Variants in NUP85 observed in about 807,000 individuals in gnomAD.
NUP85 encodes nucleoporin 85, also known as nuclear pore complex protein Nup85.
Under a neutral mutation model 92.8 loss-of-function variants are expected in NUP85, and 23 were observed. The observed-to-expected ratio is 0.25, with a 90% confidence interval of 0.18 to 0.35. The LOEUF is 0.35. NUP85 is among the 10% of genes least tolerant of loss of function. NUP85 has a pLI of 1.00. For synonymous variants in NUP85, 314 were observed against 306.9 expected (o/e 1.02, Z -0.24); for missense variants, 759 against 822.8 (o/e 0.92, Z 0.95).
At chr17:75,221,717 C>T (rs1022244677) in intron 7 of NUP85, among the ~76,000 whole-genome samples, 3 of 152,102 alleles carry the variant, frequency 2.0e-5, no homozygotes, top group African/African-American at 7.2e-5. Context: ...TACTTCTAAG[C>T]CATATGGGGT....
intron 7 of NUP85, among the ~76,000 whole-genome samples, chr17:75,221,831 G>T (rs1362214836): frequency 6.6e-6 from 1 of 152,172 alleles, no homozygotes; most frequent in African/African-American, 2.4e-5. Context: ...ATGGAAACAG[G>T]CCAGTCTGGA....
intron 1 of NUP85, among the ~76,000 whole-genome samples, 196 bp downstream of exon 1, chr17:75,205,990 C>T (rs945678992): frequency 2.6e-5 from 4 of 152,048 alleles, no homozygotes; most frequent in Admixed American, 6.6e-5. Flanking sequence ...GGGTTTCTGC[C>T]ACCAGTCACA....
intron 1 of NUP85, 39 bp downstream of exon 1, chr17:75,205,833 T>G (rs1598251773): frequency 6.2e-7 from 1 of 1,611,174 alleles, no homozygotes; most frequent in Non-Finnish European, 8.5e-7. Flanking sequence ...TCCTTGCGGG[T>G]TGAGAACTGC....
intron 6 of NUP85, chr17:75,216,205 G>A (rs1354289635): frequency 2.8e-5 from 6 of 212,590 alleles, no homozygotes; most frequent in Non-Finnish European, 5.6e-5. Context: ...TTGGGACAGG[G>A]CAACTCTGTG....
intron 11 of NUP85, among the ~76,000 whole-genome samples, chr17:75,230,868 C>T (rs1248966807): frequency 1.3e-5 from 2 of 151,290 alleles, no homozygotes; most frequent in Non-Finnish European, 2.9e-5. Flanking sequence ...TGCAGTGAGT[C>T]GAGATCTCAC....
At chr17:75,233,934 A>G (rs559083639) in intron 16 of NUP85, among the ~76,000 whole-genome samples, 1 of 149,618 alleles carries the variant, frequency 6.7e-6, no homozygotes, top group East Asian at 2.0e-4. Flanking sequence ...GGGTTTCACC[A>G]TGTTGGTCAG....
In NUP85 at chr17:75,225,134, A is replaced by T; in HGVS notation, c.629A>T (p.Asp210Val). Residue 210 changes from aspartate (D) to valine (V), a missense_variant, in exon 8 of 19, where the codon GAT (aspartate) becomes GTT (valine). Asp to Val is a radical substitution (Grantham distance 152). Transcript: ENST00000245544. ...ATCTTGGTGCTGCAGGGCCGGCTGGATGAGGCCCGACAGATGCTCTCCAAG... is the reference window on the plus strand; with the variant it reads ...ATCTTGGTGCTGCAGGGCCGGCTGGTTGAGGCCCGACAGATGCTCTCCAAG... ...VTILVLQGRLDEARQMLSKEA... is the reference protein window; with the variant it reads ...VTILVLQGRLVEARQMLSKEA... 2 of 1,589,204 alleles carry T rather than the reference A, an allele frequency of 1.3e-6. No homozygotes were observed. The highest frequency in any genetic ancestry group is 1.7e-6 in the Non-Finnish European group (2 of 1,165,638).
intron 3 of NUP85, 27 bp downstream of exon 3, chr17:75,210,012 A>G: frequency 2.5e-6 from 4 of 1,584,562 alleles, no homozygotes; most frequent in East Asian, 4.5e-5. Flanking sequence ...TTGGTGTTGA[A>G]GCCCACACTA....
At chr17:75,219,912 C>T (rs764724850) in intron 7 of NUP85, among the ~76,000 whole-genome samples, 58 of 151,592 alleles carry the variant, frequency 3.8e-4, no homozygotes, top group Non-Finnish European at 7.1e-4. Flanking sequence ...CAGGGTGGGG[C>T]AGGAGGGGCT....
In NUP85 at chr17:75,209,967, G is replaced by A; in HGVS notation, c.272G>A (p.Gly91Glu). 1 of 1,586,502 alleles carries A rather than the reference G, an allele frequency of 6.3e-7. No homozygotes were observed. The highest frequency in any genetic ancestry group is 2.3e-5 in the East Asian group (1 of 43,620). ...GLQRIDEELT[G>E]KSRKSQLVRV... The stretch of plus-strand genomic sequence containing the variant: ...CAGAGAATTGACGAAGAGTTGACTG[G>A]AAAATCCAGAAAATCTCAGTAAGTT... Residue 91 changes from glycine to glutamate, a missense_variant, in exon 3 of 19, where the codon GGA becomes GAA. Transcript: ENST00000245544.
In NUP85 at chr17:75,229,046, G is replaced by C. The variant is rs73998416; in HGVS notation, c.1095-2294G>C. On this transcript the variant is annotated intron_variant, in intron 11 of 18. Coordinates refer to ENST00000245544, the MANE Select transcript of NUP85 (RefSeq NM_024844.5). ...CCTTGCTGTCTGGCAAGAGGAAACA[G>C]CTGGGGTGCACTTCACTGGGAGTTG... The C allele has an allele frequency of 1.7e-3, 1,639 of 985,466 alleles. 24 individuals carry two copies. The African/African-American group carries it at 0.026, about 15-fold the overall frequency. The allele number at this position is 985,466 out of a possible 1,614,324, so 61.0% of individuals were successfully genotyped here. A position where few individuals can be genotyped will look rare whatever the true frequency, so the allele number is the denominator to read the frequency against.
At position 75,233,788 on chromosome 17, in the gene NUP85, T is replaced by TG. The variant is rs557789921; in HGVS notation, c.1615+634dup. On this transcript the variant is annotated intron_variant, in intron 16 of 18. Coordinates refer to ENST00000245544, the MANE Select transcript of NUP85 (RefSeq NM_024844.5). ...TAATTTTTTGTATTTTTAGTAGAGA[T>TG]GGGGTTTCACCGTGTTAGCCAGGAT... 3.7e-3 allele frequency among the ~76,000 whole-genome samples: 558 copies of TG among 152,024 alleles called. 3 individuals are homozygous for TG. Among genetic ancestry groups the TG allele is most frequent in the African/African-American group, 0.012 (514 of 41,490 alleles).
At position 75,225,456 on chromosome 17, in the gene NUP85, C is replaced by G; in HGVS notation, c.847C>G (p.Leu283Val). The change falls in exon 9 of 19, where the codon CTC (leucine) becomes GTC (valine). Residue 283 changes from leucine (L) to valine (V), a missense_variant. Coordinates refer to ENST00000245544, the MANE Select transcript of NUP85 (RefSeq NM_024844.5). Reference sequence around the variant, plus strand: ...CGCCACCAGCCCTCACCTGGAGTCTCTCTTGAAGGTCTGGGAAGCAGTTCA... The same window carrying G: ...CGCCACCAGCCCTCACCTGGAGTCTGTCTTGAAGGTCTGGGAAGCAGTTCA... ...TFATSPHLES[L>V]LKIMLGDEAA... is the part of the protein sequence containing the mutation. 6.2e-7 allele frequency: 1 copy of G among 1,613,666 alleles called. No individual in the cohort carries two copies.
chr17:75,208,929 G>C (rs1046826390), intron 2 of NUP85, among the ~76,000 whole-genome samples: 5 of 151,666 alleles, frequency 3.3e-5, no homozygotes, highest in African/African-American at 1.2e-4. Context: ...TCTTTGTAGA[G>C]ATGGGAGTCT....
intron 11 of NUP85, chr17:75,229,266 C>T (rs1045187785): frequency 1.6e-6 from 1 of 606,820 alleles, no homozygotes; most frequent in Non-Finnish European, 2.1e-6. Context: ...ACCTCACACC[C>T]CATTTCCAGA....
At chr17:75,232,385 C>G (rs903140490) in intron 14 of NUP85, among the ~76,000 whole-genome samples, 1 of 152,178 alleles carries the variant, frequency 6.6e-6, no homozygotes, top group Non-Finnish European at 1.5e-5. Context: ...AAGTCTGCCC[C>G]TTCATTTCTC....
intron 7 of NUP85, among the ~76,000 whole-genome samples, chr17:75,220,116 C>T (rs950405493): frequency 1.3e-5 from 2 of 152,070 alleles, no homozygotes; most frequent in Non-Finnish European, 2.9e-5. Flanking sequence ...CTTTTACTAG[C>T]TGTGAGGTGG....
intron 9 of NUP85, 98 bp downstream of exon 9, chr17:75,225,562 G>T: frequency 6.4e-7 from 1 of 1,571,144 alleles, no homozygotes. Context: ...CTTGGATAGG[G>T]CTGTCTGTCG....
Position 75,205,793 on chromosome 17 carries a change from C to T in NUP85, c.32C>T (p.Thr11Ile). The change falls in exon 1 of 19, where the codon ACT becomes ATT. Residue 11 changes from threonine to isoleucine, a missense_variant and splice_region_variant. Thr to Ile is a moderately conservative substitution (Grantham distance 89). Transcript: ENST00000245544. Reference sequence around the variant, plus strand: ...GAGCTCGATGGCGAGCCAACAGTCACTGTAAGGGTACCCCGAACAGGCTTG... The same window carrying T: ...GAGCTCGATGGCGAGCCAACAGTCATTGTAAGGGTACCCCGAACAGGCTTG... The part of the protein sequence containing the change: MEELDGEPTV[T>I]LIPGVNSKKN... The T allele has an allele frequency of 1.2e-6, 2 of 1,614,178 alleles. No homozygotes were observed. Among genetic ancestry groups the T allele is most frequent in the Non-Finnish European group, 1.7e-6 (2 of 1,180,012 alleles).
Sources: gnomAD v4.1 joint callset for allele counts (sites outside exome capture counted in the v4.1 genomes callset) on GRCh38, gnomAD v4.1.1 for gene constraint, MANE v1.5 for transcripts, NCBI Gene and HGNC (gene_info 2026-07-23, HGNC 2026-07-21) for gene names.